Variants in SLX4IP observed in about 807,000 individuals in gnomAD.
The protein encoded by SLX4IP is protein SLX4IP.
SLX4IP carries 34 observed loss-of-function variants against 32.9 expected under a neutral mutation model. That is an observed-to-expected ratio of 1.03 (90% CI 0.79 to 1.38). The LOEUF (loss-of-function observed/expected upper bound fraction) is 1.38, where lower values mean the gene tolerates loss of function less well. Ranked by LOEUF, SLX4IP falls within the 40% of genes most tolerant of loss-of-function variation. SLX4IP has a pLI of 0.00. For missense variants in SLX4IP, 444 were observed against 479.0 expected (o/e 0.93, Z 0.68); for synonymous variants, 172 against 171.7 (o/e 1.00, Z -0.01).
intron 2 of SLX4IP, among the ~76,000 whole-genome samples, chr20:10,467,483 T>C (rs1257751737): frequency 2.0e-5 from 3 of 152,236 alleles, no homozygotes; most frequent in Non-Finnish European, 4.4e-5. Context: ...TTTCTTCTCC[T>C]GATACTTAAA....
intron 1 of SLX4IP, among the ~76,000 whole-genome samples, chr20:10,456,643 A>G (rs1430394085): frequency 1.3e-5 from 2 of 152,204 alleles, no homozygotes; most frequent in East Asian, 1.9e-4. Flanking sequence ...GTCCAGCTGT[A>G]ATAAGCTTTT....
chr20:10,537,548 C>T (rs772528468), intron 2 of SLX4IP, among the ~76,000 whole-genome samples: 7 of 152,180 alleles, frequency 4.6e-5, no homozygotes, highest in Admixed American at 6.5e-5. Context: ...AAGCTAGCTA[C>T]CATACTCGTT....
intron 6 of SLX4IP, among the ~76,000 whole-genome samples, chr20:10,620,330 A>C (rs927418901): frequency 2.6e-5 from 4 of 152,234 alleles, no homozygotes; most frequent in Non-Finnish European, 4.4e-5. Flanking sequence ...TAATGTTGGC[A>C]AGGTAGGTAG....
intron 2 of SLX4IP, among the ~76,000 whole-genome samples, chr20:10,507,199 A>C (rs1368958964): frequency 6.6e-6 from 1 of 152,228 alleles, no homozygotes; most frequent in African/African-American, 2.4e-5. Flanking sequence ...GCCTTTGACA[A>C]GCAAGGAGGC....
intron 2 of SLX4IP, among the ~76,000 whole-genome samples, chr20:10,495,112 G>A (rs747372648): frequency 6.6e-6 from 1 of 151,842 alleles, no homozygotes; most frequent in African/African-American, 2.4e-5. Flanking sequence ...TTTATTCATC[G>A]ATTAAAAATA....
In SLX4IP at chr20:10,586,804, G is replaced by A. The variant is rs965764044; in HGVS notation, c.239-11871G>A. Among the ~76,000 whole-genome samples, 6 of 152,080 alleles carry A rather than the reference G, an allele frequency of 3.9e-5. No individual in the cohort carries two copies. In the South Asian group the frequency reaches 1.2e-3, roughly 32 times the overall value. ...TCGTGCCAATAAATTTGAAAACTAA[G>A]GTGAAATAGAAAAATTCATAGAAAA... is the stretch of plus-strand genomic sequence containing the variant. On this transcript the variant is annotated intron_variant, in intron 4 of 7. Transcript: ENST00000334534.
chr20:10,482,896 G>A (rs1439627264), intron 2 of SLX4IP, among the ~76,000 whole-genome samples: 2 of 152,102 alleles, frequency 1.3e-5, no homozygotes, highest in Non-Finnish European at 2.9e-5. Context: ...ATTTTTAGAA[G>A]CCATATCTGT....
intron 2 of SLX4IP, among the ~76,000 whole-genome samples, chr20:10,532,808 C>G (rs1421790660): frequency 6.6e-6 from 1 of 150,490 alleles, no homozygotes; most frequent in Non-Finnish European, 1.5e-5. Context: ...TAGAGTCTCA[C>G]TCTGTCACCC....
At chr20:10,521,839 A>G (rs2065902804) in intron 2 of SLX4IP, among the ~76,000 whole-genome samples, 1 of 152,220 alleles carries the variant, frequency 6.6e-6, no homozygotes, top group Non-Finnish European at 1.5e-5. Context: ...ATAATCTGAA[A>G]GTGTTTAAAT....
At chr20:10,539,484 A>G (rs947557090) in intron 2 of SLX4IP, among the ~76,000 whole-genome samples, 1 of 151,720 alleles carries the variant, frequency 6.6e-6, no homozygotes, top group African/African-American at 2.4e-5. Context: ...GAAGCTCATT[A>G]TATTTTGGTT....
chr20:10,486,439 A>G (rs1209824799), intron 2 of SLX4IP, among the ~76,000 whole-genome samples: 1 of 152,180 alleles, frequency 6.6e-6, no homozygotes, highest in Non-Finnish European at 1.5e-5. Flanking sequence ...TCAAGAACTG[A>G]AAGAGATGGA....
intron 2 of SLX4IP, among the ~76,000 whole-genome samples, chr20:10,521,073 G>A (rs2065897983): frequency 6.6e-6 from 1 of 152,180 alleles, no homozygotes; most frequent in Admixed American, 6.5e-5. Flanking sequence ...TATTATGACA[G>A]TATTTACTGC....
rs918835668 is a variant in SLX4IP, at chr20:10,625,530, T to A, written c.*2151T>A. On this transcript the variant is annotated 3_prime_UTR_variant, in exon 8 of 8. Coordinates refer to ENST00000334534, the MANE Select transcript of SLX4IP (RefSeq NM_001009608.3). ...TTCTAATCTTTCTCTGAAGTATCACTCTGGTATTGAGAAATTTTTATTTCA... is the reference window on the plus strand; with the variant it reads ...TTCTAATCTTTCTCTGAAGTATCACACTGGTATTGAGAAATTTTTATTTCA... 5.9e-5 allele frequency: 9 copies of A among 152,240 alleles called. No individual in the cohort carries two copies. The highest frequency in any genetic ancestry group is 2.2e-4 in the African/African-American group (9 of 41,458). The allele number at this position is 152,240 out of a possible 1,614,324, so 9.4% of individuals were successfully genotyped here. A position where few individuals can be genotyped will look rare whatever the true frequency, so the allele number is the denominator to read the frequency against.
At chr20:10,458,461 A>G (rs927160581) in intron 2 of SLX4IP, among the ~76,000 whole-genome samples, 3 of 152,104 alleles carry the variant, frequency 2.0e-5, no homozygotes, top group Non-Finnish European at 4.4e-5. Flanking sequence ...AGATCATCCC[A>G]TGACTTAGGT....
chr20:10,522,627 C>A (rs1233841454), intron 2 of SLX4IP, among the ~76,000 whole-genome samples: 1 of 152,146 alleles, frequency 6.6e-6, no homozygotes, highest in African/African-American at 2.4e-5. Context: ...AGTGCCTTAC[C>A]CTCATTAAAA....
chr20:10,540,260 A>G (rs2066093036), intron 2 of SLX4IP, among the ~76,000 whole-genome samples: 1 of 150,130 alleles, frequency 6.7e-6, no homozygotes, highest in Non-Finnish European at 1.5e-5. Context: ...AAGCTAATCA[A>G]TGTGTGTTTT....
intron 4 of SLX4IP, among the ~76,000 whole-genome samples, chr20:10,581,496 G>A (rs2066585849): frequency 6.6e-6 from 1 of 152,138 alleles, no homozygotes; most frequent in Non-Finnish European, 1.5e-5. Flanking sequence ...TTGATTGTGT[G>A]GATATTGCTT....
Position 10,446,286 on chromosome 20 carries a change from C to T in SLX4IP, c.-30+10833C>T, listed in dbSNP as rs564710090. On this transcript the variant is annotated intron_variant, in intron 1 of 7. Coordinates refer to ENST00000334534, the MANE Select transcript of SLX4IP (RefSeq NM_001009608.3). ...AATTAGCCAGGTGTGGTGGCAGGCA[C>T]CTGTAATCCCAGCTACTTGGGAGGC... 6.6e-5 allele frequency among the ~76,000 whole-genome samples: 10 copies of T among 151,912 alleles called. No individual in the cohort carries two copies. The South Asian group carries it at 2.1e-3, about 32-fold the overall frequency.
Position 10,575,829 on chromosome 20 carries a change from C to T in SLX4IP, c.238+15009C>T, listed in dbSNP as rs566356771. On this transcript the variant is annotated intron_variant, in intron 4 of 7. Coordinates refer to ENST00000334534, the MANE Select transcript of SLX4IP (RefSeq NM_001009608.3). ...TCAAATTTCTAGTAATTGAGTTTCA[C>T]ATTCCTAATATTAACACCCATAAGG... 1.7e-4 allele frequency among the ~76,000 whole-genome samples: 26 copies of T among 152,040 alleles called. 1 individual carries two copies. The Middle Eastern group carries it at 0.014, about 80-fold the overall frequency.
Sources: allele counts gnomAD v4.1 joint callset (sites outside exome capture counted in the v4.1 genomes callset), GRCh38; gene constraint gnomAD v4.1.1; transcripts MANE v1.5; gene names NCBI Gene and HGNC (gene_info 2026-07-23, HGNC 2026-07-21).